The following PPME1 variants were observed in gnomAD, a reference collection of about 807,000 sequenced individuals.
PPME1 encodes the protein testicular secretory protein Li 39.
In PPME1, 17 loss-of-function variants were observed where a neutral mutation model predicts 56.9. The observed-to-expected ratio is 0.30, with a 90% CI of 0.20 to 0.45. The LOEUF (loss-of-function observed/expected upper bound fraction) is 0.45, where lower values mean the gene tolerates loss of function less well. Ranked by LOEUF, PPME1 falls within the 20% of genes least tolerant of loss-of-function variation. PPME1 has a pLI of 1.00. For missense variants in PPME1, 357 were observed against 483.2 expected, an observed-to-expected ratio of 0.74 and a Z score of 2.45; for synonymous variants, 122 against 156.2, an observed-to-expected ratio of 0.78 and a Z score of 1.63.
intron 5 of PPME1, among the ~76,000 whole-genome samples, chr11:74,226,553 C>A (rs993275938): frequency 1.3e-5 from 2 of 152,094 alleles, no homozygotes; most frequent in African/African-American, 4.8e-5. Flanking sequence ...TTAGTGATAC[C>A]TATAGGAAGA....
chr11:74,232,860 A>ATTTTTTTTTTTTTTTTTTTTT (rs35057762), intron 7 of PPME1, among the ~76,000 whole-genome samples: 1 of 93,862 alleles, frequency 1.1e-5, no homozygotes, highest in Non-Finnish European at 2.1e-5. Context: ...TTGTTATTTG[A>ATTTTTTTTTTTTTTTTTTTTT]TTTTTTTTTT....
chr11:74,252,388 C>T (rs1402290555), intron 13 of PPME1: 5 of 453,660 alleles, frequency 1.1e-5, no homozygotes, highest in East Asian at 7.0e-5. Flanking sequence ...CAAGCCACCG[C>T]GCCTGGCCTA....
chr11:74,171,363 A>G lies in PPME1; in HGVS notation c.-59A>G. ...AGCGAGTCGTGACCGGTTGGGCCACACTCAACGTGGGACGAAGCTTCGCCT... is the reference window on the plus strand; with the variant it reads ...AGCGAGTCGTGACCGGTTGGGCCACGCTCAACGTGGGACGAAGCTTCGCCT... On this transcript the variant is annotated 5_prime_UTR_variant, in exon 1 of 14. Transcript: ENST00000328257. 6.4e-7 allele frequency: 1 copy of G among 1,552,870 alleles called. No homozygotes were observed. Among genetic ancestry groups the G allele is most frequent in the South Asian group, 1.2e-5 (1 of 83,998 alleles).
chr11:74,225,620 G>A (rs1858914993), intron 5 of PPME1, among the ~76,000 whole-genome samples: 1 of 152,162 alleles, frequency 6.6e-6, no homozygotes, highest in Non-Finnish European at 1.5e-5. Context: ...GGCCTTGAGA[G>A]TATCTCCTTC....
chr11:74,177,991 T>C (rs1857441206), intron 1 of PPME1, among the ~76,000 whole-genome samples: 1 of 152,236 alleles, frequency 6.6e-6, no homozygotes, highest in Non-Finnish European at 1.5e-5. Flanking sequence ...CAACATTATA[T>C]TGATGTGAAA....
chr11:74,201,267 G>T (rs183787424), intron 1 of PPME1, among the ~76,000 whole-genome samples: 1 of 152,112 alleles, frequency 6.6e-6, no homozygotes, highest in Non-Finnish European at 1.5e-5. Context: ...GAGCCACCGC[G>T]CCCGGCTACA....
intron 4 of PPME1, among the ~76,000 whole-genome samples, chr11:74,223,405 G>A (rs1301218995): frequency 2.0e-5 from 3 of 147,882 alleles, no homozygotes; most frequent in South Asian, 4.2e-4. Flanking sequence ...ATAAACATAC[G>A]TGTGCCTGTG....
At chr11:74,206,716 A>G (rs4944040) in intron 3 of PPME1, among the ~76,000 whole-genome samples, 1 of 152,042 alleles carries the variant, frequency 6.6e-6, no homozygotes, top group Non-Finnish European at 1.5e-5. Flanking sequence ...ACAGGTGTGC[A>G]CCACCACTCC....
chr11:74,217,465 C>T (rs754241490), intron 3 of PPME1, among the ~76,000 whole-genome samples: 19 of 149,308 alleles, frequency 1.3e-4, no homozygotes, highest in Non-Finnish European at 1.0e-4. Context: ...TTGCCTGAAC[C>T]TGGGAAATGG....
chr11:74,180,534 A>G (rs1857504745), intron 1 of PPME1, among the ~76,000 whole-genome samples: 1 of 152,230 alleles, frequency 6.6e-6, no homozygotes, highest in Non-Finnish European at 1.5e-5. Context: ...CTATTTCAAT[A>G]CCAGCTTTTA....
chr11:74,185,987 C>T (rs1287865548), intron 1 of PPME1, among the ~76,000 whole-genome samples: 1 of 152,148 alleles, frequency 6.6e-6, no homozygotes, highest in African/African-American at 2.4e-5. Context: ...TTGGGCTGTA[C>T]GTGTCCTGTT....
chr11:74,182,734 G>T (rs1015258936), intron 1 of PPME1, among the ~76,000 whole-genome samples: 1 of 152,128 alleles, frequency 6.6e-6, no homozygotes, highest in African/African-American at 2.4e-5. Context: ...TTTACAAAAC[G>T]TATACATGTT....
At chr11:74,191,538 G>C (rs1379120028) in intron 1 of PPME1, among the ~76,000 whole-genome samples, 2 of 152,216 alleles carry the variant, frequency 1.3e-5, no homozygotes, top group Non-Finnish European at 1.5e-5. Context: ...AGTTGTTTCA[G>C]ATGTCTTTGG....
At chr11:74,252,254 T>TG (rs1466899604) in intron 13 of PPME1, among the ~76,000 whole-genome samples, 58 of 150,228 alleles carry the variant, frequency 3.9e-4, no homozygotes, top group African/African-American at 1.3e-3. Flanking sequence ...TTTTTTTGTT[T>TG]TTTTTTTTTT....
At chr11:74,239,288 C>T (rs373178126) in intron 9 of PPME1, 32 bp downstream of exon 9, 59 of 1,605,348 alleles carry the variant, frequency 3.7e-5, no homozygotes, top group African/African-American at 1.1e-4. Flanking sequence ...TGAAAAGATG[C>T]GGTATGGAAT....
intron 1 of PPME1, among the ~76,000 whole-genome samples, chr11:74,189,666 A>G (rs1857783520): frequency 6.6e-6 from 1 of 152,184 alleles, no homozygotes; most frequent in Non-Finnish European, 1.5e-5. Flanking sequence ...AATCTTTTCC[A>G]TTATTTTCCC....
chr11:74,191,458 A>T (rs1385950254), intron 1 of PPME1, among the ~76,000 whole-genome samples: 1 of 152,250 alleles, frequency 6.6e-6, no homozygotes, highest in African/African-American at 2.4e-5. Context: ...GTAACCACTT[A>T]CTAGAGAGAT....
chr11:74,190,161 T>G (rs1453939903), intron 1 of PPME1, among the ~76,000 whole-genome samples: 2 of 152,212 alleles, frequency 1.3e-5, no homozygotes, highest in Non-Finnish European at 2.9e-5. Context: ...CCTAGCAGCA[T>G]GCATTCTCAT....
intron 1 of PPME1, among the ~76,000 whole-genome samples, chr11:74,201,494 T>G (rs1010441022): frequency 3.9e-5 from 6 of 152,188 alleles, no homozygotes; most frequent in African/African-American, 1.4e-4. Flanking sequence ...GAAGCATAAA[T>G]GACAGCATGA....
Sources: allele counts gnomAD v4.1 joint callset (sites outside exome capture counted in the v4.1 genomes callset), GRCh38; gene constraint gnomAD v4.1.1; transcripts MANE v1.5; gene names NCBI Gene and HGNC (gene_info 2026-07-23, HGNC 2026-07-21).